The following CAMTA1 variants were observed in gnomAD, a reference collection of about 807,000 sequenced individuals.
CAMTA1 encodes the protein calmodulin-binding transcription activator 1.
In CAMTA1, 27 loss-of-function variants were observed where a neutral mutation model predicts 170.9. That is an observed-to-expected ratio of 0.16 (90% CI 0.12 to 0.22). CAMTA1 has a LOEUF of 0.22. CAMTA1 is among the 10% of genes least tolerant of loss of function. The pLI is 1.00. For synonymous variants in CAMTA1, 833 were observed against 891.5 expected, an observed-to-expected ratio of 0.93 and a Z score of 1.17; for missense variants, 1,619 against 2,217.2, an observed-to-expected ratio of 0.73 and a Z score of 5.42.
Position 7,738,477 on chromosome 1 carries a change from A to C in CAMTA1, c.4177A>C (p.Ile1393Leu). 1 of 1,612,906 alleles carries C rather than the reference A, an allele frequency of 6.2e-7. No homozygotes were observed. Among genetic ancestry groups the C allele is most frequent in the Non-Finnish European group, 8.5e-7 (1 of 1,179,110 alleles). The change falls in exon 16 of 23, where the codon ATA (isoleucine) becomes CTA (leucine). Residue 1393 changes from isoleucine to leucine, a missense_variant. Ile to Leu is a conservative substitution (Grantham distance 5). Around this residue, in one of 8 missense-constraint regions of CAMTA1, gnomAD observed 370 missense variants for 429.4 expected, o/e 0.86. Coordinates refer to ENST00000303635, the MANE Select transcript of CAMTA1 (RefSeq NM_015215.4). This position sits in a 1 kb window ranked among gnomAD's most constrained non-coding sequence, Gnocchi z 4.9. Reference protein sequence around the residue: ...NEECGQPMDDIQVNMMTLAEH... With the variant: ...NEECGQPMDDLQVNMMTLAEH... ...AGAATGCGGCCAGCCCATGGATGAC[A>C]TACAGGTAAAAAGCAGGGACAGGGT... is the stretch of plus-strand genomic sequence containing the variant.
chr1:6,927,342 A>G (rs1557840141), intron 3 of CAMTA1, among the ~76,000 whole-genome samples: 1 of 152,132 alleles, frequency 6.6e-6, no homozygotes, highest in African/African-American at 2.4e-5. Flanking sequence ...CGCCTCAGTG[A>G]TTTTTTTTCC....
chr1:7,701,716 C>T (rs376973017), intron 11 of CAMTA1, among the ~76,000 whole-genome samples: 2 of 152,024 alleles, frequency 1.3e-5, no homozygotes, highest in Admixed American at 1.3e-4. Flanking sequence ...CCACCGTGCC[C>T]GGCTGTATCT....
At chr1:6,815,749 C>T (rs1349552426) in intron 1 of CAMTA1, among the ~76,000 whole-genome samples, 12 of 152,176 alleles carry the variant, frequency 7.9e-5, no homozygotes, top group African/African-American at 1.7e-4. Context: ...GTTTCTGATA[C>T]TCAAGGTGTG....
At chr1:7,723,777 A>G (rs1277971061) in intron 11 of CAMTA1, among the ~76,000 whole-genome samples, 1 of 152,234 alleles carries the variant, frequency 6.6e-6, no homozygotes, top group East Asian at 1.9e-4. Flanking sequence ...AAATTGAGGG[A>G]TGTCTCCAAA....
rs2095360573 is a variant in CAMTA1, at chr1:7,592,223, T to A, written c.511-48177T>A. ...CACTTTTCACAGTTTAGATCTCAGC[T>A]CAGTGGCCCTCTTTGAAGGCCCCTT... On this transcript the variant is annotated intron_variant, in intron 6 of 22. Coordinates refer to ENST00000303635, the MANE Select transcript of CAMTA1 (RefSeq NM_015215.4). This position sits in a 1 kb window ranked among gnomAD's most constrained non-coding sequence, Gnocchi z 4.6. Among the ~76,000 whole-genome samples, 1 of 152,130 alleles carries A rather than the reference T, an allele frequency of 6.6e-6. No individual in the cohort carries two copies. The highest frequency in any genetic ancestry group is 2.4e-5 in the African/African-American group (1 of 41,422).
At chr1:7,383,385 G>C (rs1170390528) in intron 5 of CAMTA1, among the ~76,000 whole-genome samples, 1 of 152,080 alleles carries the variant, frequency 6.6e-6, no homozygotes, top group Non-Finnish European at 1.5e-5. Context: ...GTGTAGTATA[G>C]CAATCTGGAA....
chr1:7,206,045 T>C (rs1264646414), intron 4 of CAMTA1, among the ~76,000 whole-genome samples: 1 of 152,208 alleles, frequency 6.6e-6, no homozygotes, highest in Non-Finnish European at 1.5e-5. Flanking sequence ...TCTGGACTTC[T>C]TCTACTCCAC....
chr1:6,883,060 A>AT (rs1468723461), intron 3 of CAMTA1, among the ~76,000 whole-genome samples: 5 of 151,816 alleles, frequency 3.3e-5, no homozygotes, highest in African/African-American at 1.2e-4. Flanking sequence ...TGCCTGGCCA[A>AT]TTTTTTTATT....
In CAMTA1 at chr1:7,325,493, G is replaced by A. The variant is rs1332763928; in HGVS notation, c.438+75867G>A. 6.6e-6 allele frequency among the ~76,000 whole-genome samples: 1 copy of A among 152,204 alleles called. No individual in the cohort carries two copies. Among genetic ancestry groups the A allele is most frequent in the Non-Finnish European group, 1.5e-5 (1 of 68,034 alleles). On this transcript the variant is annotated intron_variant, in intron 5 of 22. Transcript: ENST00000303635. The surrounding 1 kb of genome is among the most constrained non-coding windows in gnomAD (Gnocchi z 5.0). ...GACAGCAAGGAAGCCAGCGTGGCAG[G>A]GCCAGCTAGGATGCTAATGTAGTAA...
At chr1:7,478,960 T>C (rs1198115921) in intron 6 of CAMTA1, among the ~76,000 whole-genome samples, 1 of 152,254 alleles carries the variant, frequency 6.6e-6, no homozygotes, top group African/African-American at 2.4e-5. Context: ...CTCTTTTGCC[T>C]CTGACGTGAT....
intron 5 of CAMTA1, among the ~76,000 whole-genome samples, chr1:7,290,260 T>G (rs866320400): frequency 1.3e-5 from 2 of 152,218 alleles, no homozygotes; most frequent in African/African-American, 2.4e-5. Flanking sequence ...GACAGTGCCT[T>G]CCTTTGGCCT....
chr1:7,735,973 T>G (rs975060156), intron 12 of CAMTA1, among the ~76,000 whole-genome samples: 4 of 152,004 alleles, frequency 2.6e-5, no homozygotes, highest in African/African-American at 9.6e-5. Context: ...GGGTTAGGGT[T>G]AGGGTTGGCC....
intron 3 of CAMTA1, among the ~76,000 whole-genome samples, chr1:6,904,297 T>C (rs146801360): frequency 2.8e-4 from 42 of 152,348 alleles, no homozygotes; most frequent in African/African-American, 1.0e-3. Context: ...TAGCTGTCCT[T>C]TTCTTGAAAG....
At chr1:7,043,364 T>C (rs1704790354) in intron 3 of CAMTA1, among the ~76,000 whole-genome samples, 2 of 74,860 alleles carry the variant, frequency 2.7e-5, no homozygotes, top group African/African-American at 1.9e-4. Context: ...AGTGTGTGCA[T>C]GTCTCTGTGT....
chr1:6,892,393 A>T (rs1674694747), intron 3 of CAMTA1, among the ~76,000 whole-genome samples: 1 of 152,158 alleles, frequency 6.6e-6, no homozygotes, highest in Non-Finnish European at 1.5e-5. Flanking sequence ...TGGGTTACAT[A>T]TTGTGCTAGA....
At chr1:7,106,762 C>T (rs954439476) in intron 4 of CAMTA1, among the ~76,000 whole-genome samples, 1 of 152,000 alleles carries the variant, frequency 6.6e-6, no homozygotes, top group African/African-American at 2.4e-5. Flanking sequence ...CAGAGGAGAG[C>T]ATTTGATGTT....
rs72863073 is a variant in CAMTA1, at chr1:7,507,911, C to T, written c.510+40010C>T. On this transcript the variant is annotated intron_variant, in intron 6 of 22. Coordinates refer to ENST00000303635, the MANE Select transcript of CAMTA1 (RefSeq NM_015215.4). The stretch of plus-strand genomic sequence containing the variant: ...TGCCTGGCACACCGCAGCTCTCCAG[C>T]GTGTGTCTGTTGACCGAATGCTGGT... Among the ~76,000 whole-genome samples, 423 of 152,364 alleles carry T rather than the reference C, an allele frequency of 2.8e-3. 1 individual carries two copies. Among genetic ancestry groups the T allele is most frequent in the African/African-American group, 9.7e-3 (404 of 41,594 alleles).
At chr1:6,801,845 C>T (rs575808579) in intron 1 of CAMTA1, among the ~76,000 whole-genome samples, 1 of 151,510 alleles carries the variant, frequency 6.6e-6, no homozygotes, top group East Asian at 1.9e-4. Context: ...GTAATCAGGC[C>T]CTGAGGTTCA....
At chr1:7,626,978 T>C (rs2095638024) in intron 6 of CAMTA1, among the ~76,000 whole-genome samples, 1 of 152,308 alleles carries the variant, frequency 6.6e-6, no homozygotes, top group South Asian at 2.1e-4. Context: ...CTGGAGCTCC[T>C]CAAGGGCTTG....
Sources: allele counts gnomAD v4.1 joint callset (sites outside exome capture counted in the v4.1 genomes callset), GRCh38; gene constraint gnomAD v4.1.1; regional missense constraint gnomAD v4.1.1; non-coding constraint Gnocchi (gnomAD v3.1); transcripts MANE v1.5; gene names NCBI Gene and HGNC (gene_info 2026-07-23, HGNC 2026-07-21).